The following PPP1R12B variants were observed in gnomAD, a reference collection of about 807,000 sequenced individuals.
PPP1R12B encodes the protein myosin phosphatase target subunit 2.
PPP1R12B carries 76 observed loss-of-function variants against 126.1 expected under a neutral mutation model. The observed-to-expected ratio is 0.60, with a 90% confidence interval of 0.50 to 0.73. The LOEUF (loss-of-function observed/expected upper bound fraction) is 0.73, where lower values mean the gene tolerates loss of function less well. Ranked by LOEUF, PPP1R12B falls within the 30% of genes least tolerant of loss-of-function variation. The pLI is 0.00. For synonymous variants in PPP1R12B, 356 were observed against 434.7 expected (o/e 0.82, Z 2.25); for missense variants, 1,052 against 1,205.1 (o/e 0.87, Z 1.88).
chr1:202,356,631 C>G (rs1558122884), intron 1 of PPP1R12B, among the ~76,000 whole-genome samples: 1 of 152,048 alleles, frequency 6.6e-6, no homozygotes, highest in Non-Finnish European at 1.5e-5. Context: ...AGAGCAGAAT[C>G]AGAATAGGAG....
Position 202,590,062 on chromosome 1 carries a change from G to A in PPP1R12B, c.*9502G>A, listed in dbSNP as rs957773480. The A allele has an allele frequency of 2.0e-5, 3 of 152,142 alleles. No homozygotes were observed. The highest frequency in any genetic ancestry group is 6.5e-5 in the Admixed American group (1 of 15,274). 9.4% of individuals were successfully genotyped at this position (152,142 alleles called of 1,614,324 possible). On this transcript the variant is annotated 3_prime_UTR_variant, in exon 24 of 24. Coordinates refer to ENST00000608999, the MANE Select transcript of PPP1R12B (RefSeq NM_002481.4). ...TCTCCCTTTCCCTAAAAATTCTGAC[G>A]CCCTATCCCTGGTCCCTAACATCTT...
chr1:202,543,561 G>A (rs987904523), intron 18 of PPP1R12B, among the ~76,000 whole-genome samples: 15 of 152,090 alleles, frequency 9.9e-5, no homozygotes, highest in African/African-American at 3.6e-4. Flanking sequence ...CCAACATTGT[G>A]AAACCCCATC....
At chr1:202,480,853 C>T (rs1410888681) in intron 13 of PPP1R12B, among the ~76,000 whole-genome samples, 2 of 152,036 alleles carry the variant, frequency 1.3e-5, no homozygotes, top group African/African-American at 2.4e-5. Context: ...ACAAGATAGA[C>T]CAAAGGATTT....
At position 202,499,953 on chromosome 1, in the gene PPP1R12B, C is replaced by CA. The variant is rs1680016504; in HGVS notation, c.2490+3136dup. 2.6e-5 allele frequency among the ~76,000 whole-genome samples: 4 copies of CA among 152,066 alleles called. 1 individual carries two copies. In the South Asian group the frequency reaches 8.3e-4, roughly 32 times the overall value. ...TCTGACCTGTTAGAATGGCTGTTAT[C>CA]AAAAAGACAAAAAATAACAAAACCT... On this transcript the variant is annotated intron_variant, in intron 18 of 23. Coordinates refer to ENST00000608999, the MANE Select transcript of PPP1R12B (RefSeq NM_002481.4).
At position 202,589,364 on chromosome 1, in the gene PPP1R12B, G is replaced by C. The variant is rs1417082029; in HGVS notation, c.*8804G>C. On this transcript the variant is annotated 3_prime_UTR_variant, in exon 24 of 24. Coordinates refer to ENST00000608999, the MANE Select transcript of PPP1R12B (RefSeq NM_002481.4). ...TGCCAAGCGGAAATCCCTGGTCACT[G>C]ACTTGGGGAGAGGTCAGGGAGGGAA... 6.6e-6 allele frequency: 1 copy of C among 152,128 alleles called. No individual in the cohort carries two copies. The highest frequency in any genetic ancestry group is 1.5e-5 in the Non-Finnish European group (1 of 68,036). The allele number at this position is 152,128 out of a possible 1,614,324, so 9.4% of individuals were successfully genotyped here.
chr1:202,383,884 A>C (rs1257746868), intron 1 of PPP1R12B, among the ~76,000 whole-genome samples: 1 of 152,020 alleles, frequency 6.6e-6, no homozygotes, highest in Non-Finnish European at 1.5e-5. Flanking sequence ...ACCAAAATTT[A>C]TTTCTTTTCT....
intron 1 of PPP1R12B, among the ~76,000 whole-genome samples, chr1:202,388,434 G>T (rs925842409): frequency 6.6e-6 from 1 of 152,176 alleles, no homozygotes; most frequent in African/African-American, 2.4e-5. Flanking sequence ...TTGAACTCCT[G>T]ACCTCAAGTG....
intron 10 of PPP1R12B, chr1:202,438,698 G>A (rs1558227778): frequency 1.6e-6 from 1 of 625,394 alleles, no homozygotes; most frequent in Non-Finnish European, 2.9e-6. Flanking sequence ...AAGCCGCCCA[G>A]TCAAGGGCCA....
In PPP1R12B at chr1:202,453,542, TA is replaced by T. The variant is rs149544613; in HGVS notation, c.1850+4375del. Among the ~76,000 whole-genome samples the T allele has an allele frequency of 3.9e-3, 588 of 152,140 alleles. 8 individuals are homozygous for T. Among genetic ancestry groups the T allele is most frequent in the African/African-American group, 0.014 (565 of 41,514 alleles). On this transcript the variant is annotated intron_variant, in intron 13 of 23. Coordinates refer to ENST00000608999, the MANE Select transcript of PPP1R12B (RefSeq NM_002481.4). ...TATTAATTCTTCTTTAGGTGTTTGGTAAAATTCAGCAGTGAAGCCATCAGGT... is the reference window on the plus strand; with the variant it reads ...TATTAATTCTTCTTTAGGTGTTTGGTAAATTCAGCAGTGAAGCCATCAGGT...
intron 19 of PPP1R12B, among the ~76,000 whole-genome samples, chr1:202,561,017 AAAAAAT>A (rs200563416): frequency 0.014 from 2,152 of 151,790 alleles, 63 homozygotes; most frequent in African/African-American, 0.05. Flanking sequence ...TATAATAATA[AAAAAAT>A]AAAAATAAAA....
chr1:202,506,822 A>G lies in PPP1R12B; in HGVS notation c.2490+10000A>G, dbSNP rs143755293. Among the ~76,000 whole-genome samples, 164 of 152,340 alleles carry G rather than the reference A, an allele frequency of 1.1e-3. 1 individual carries two copies. Among genetic ancestry groups the G allele is most frequent in the African/African-American group, 3.8e-3 (159 of 41,570 alleles). On this transcript the variant is annotated intron_variant, in intron 18 of 23. Coordinates refer to ENST00000608999, the MANE Select transcript of PPP1R12B (RefSeq NM_002481.4). ...ATTCATGAAGTATAGAAAAATATAA[A>G]GTGGTAGCTCTCAAAAGCAGCAGGA... is the stretch of plus-strand genomic sequence containing the variant.
intron 1 of PPP1R12B, among the ~76,000 whole-genome samples, chr1:202,412,910 G>A (rs1196068078): frequency 6.6e-6 from 1 of 152,094 alleles, no homozygotes; most frequent in East Asian, 1.9e-4. Flanking sequence ...TTGCAAATGG[G>A]CAGACATACA....
chr1:202,579,003 T>C (rs1424737348), intron 23 of PPP1R12B, among the ~76,000 whole-genome samples: 3 of 152,222 alleles, frequency 2.0e-5, no homozygotes, highest in Non-Finnish European at 4.4e-5. Context: ...GAACTAGTTA[T>C]GGCACTTTTC....
rs571235965 is a variant in PPP1R12B at position 202,374,720 on chromosome 1, C to T, written c.291+25578C>T. On this transcript the variant is annotated intron_variant, in intron 1 of 23. Coordinates refer to ENST00000608999, the MANE Select transcript of PPP1R12B (RefSeq NM_002481.4). Reference sequence around the variant, plus strand: ...TTCACCATGTTGCCCAGGCTGGCCTCGAACTCCTAATCTCAGGCAGTCTGC... The same window carrying T: ...TTCACCATGTTGCCCAGGCTGGCCTTGAACTCCTAATCTCAGGCAGTCTGC... Among the ~76,000 whole-genome samples the T allele has an allele frequency of 9.2e-5, 14 of 151,524 alleles. No homozygotes were observed. In the East Asian group the frequency reaches 2.2e-3, roughly 23 times the overall value.
chr1:202,426,635 G>T (rs2843415), intron 4 of PPP1R12B, among the ~76,000 whole-genome samples: 148,038 of 152,316 alleles, frequency 0.97, 72,031 homozygotes, highest in East Asian at 1. Flanking sequence ...TACAGATAGA[G>T]AGAATGACCA....
intron 13 of PPP1R12B, among the ~76,000 whole-genome samples, chr1:202,452,298 G>A (rs1490278598): frequency 1.3e-5 from 2 of 152,176 alleles, no homozygotes; most frequent in South Asian, 4.1e-4. Context: ...CTGCAATCCC[G>A]GCACCTCGGG....
In PPP1R12B at chr1:202,434,761, C is replaced by G; in HGVS notation, c.1247C>G (p.Ala416Gly). Reference protein sequence around the residue: ...PAQNTFSASSARRFSSGLFNK... With the variant: ...PAQNTFSASSGRRFSSGLFNK... The stretch of plus-strand genomic sequence containing the variant: ...CAAAATACCTTCTCTGCCTCTTCTG[C>G]TAGGAGGGTGAGTACTTTTTACTTA... The change falls in exon 9 of 24, where the codon GCT becomes GGT. Residue 416 changes from alanine to glycine, a missense_variant. Ala to Gly is a moderately conservative substitution (Grantham distance 60, BLOSUM62 0). Coordinates refer to ENST00000608999, the MANE Select transcript of PPP1R12B (RefSeq NM_002481.4). The G allele has an allele frequency of 6.2e-7, 1 of 1,613,710 alleles. No individual in the cohort carries two copies. The highest frequency in any genetic ancestry group is 8.5e-7 in the Non-Finnish European group (1 of 1,179,884).
At chr1:202,403,714 C>T (rs1308017142) in intron 1 of PPP1R12B, among the ~76,000 whole-genome samples, 3 of 152,248 alleles carry the variant, frequency 2.0e-5, no homozygotes, top group South Asian at 4.1e-4. Flanking sequence ...AAATATAGTT[C>T]CTGAGTGTAA....
chr1:202,443,905 A>C (rs2843418), intron 12 of PPP1R12B, among the ~76,000 whole-genome samples: 4,708 of 152,298 alleles, frequency 0.031, 194 homozygotes, highest in African/African-American at 0.097. Context: ...GTTACGGTGA[A>C]CAGTGAAGGG....
Sources: allele counts gnomAD v4.1 joint callset (sites outside exome capture counted in the v4.1 genomes callset), GRCh38; gene constraint gnomAD v4.1.1; transcripts MANE v1.5; gene names NCBI Gene and HGNC (gene_info 2026-07-23, HGNC 2026-07-21).